Variants in SH3GL3 observed in about 807,000 individuals in gnomAD.
SH3GL3 encodes the protein endophilin-A3.
Under a neutral mutation model 47.7 loss-of-function variants are expected in SH3GL3, and 33 were observed. The ratio of observed to expected loss-of-function variants is 0.69; its 90% confidence interval spans 0.52 to 0.92. SH3GL3 has a LOEUF of 0.92. SH3GL3 is among the 40% of genes least tolerant of loss of function. SH3GL3 has a pLI of 0.00. For synonymous variants in SH3GL3, 155 were observed against 148.8 expected (o/e 1.04, Z -0.30); for missense variants, 363 against 417.8 (o/e 0.87, Z 1.14).
intron 1 of SH3GL3, among the ~76,000 whole-genome samples, chr15:83,525,828 T>C (rs1341309541): frequency 1.3e-5 from 2 of 152,196 alleles, no homozygotes; most frequent in African/African-American, 4.8e-5. Context: ...ATCAGTTGGC[T>C]GTACATATGT....
At chr15:83,566,346 C>CAGAGAGAGAG (rs147698292) in intron 3 of SH3GL3, among the ~76,000 whole-genome samples, 15 of 134,382 alleles carry the variant, frequency 1.1e-4, no homozygotes, top group African/African-American at 2.8e-4. Context: ...GAAAGATGGG[C>CAGAGAGAGAG]AGAGAGAGAG....
At chr15:83,555,224 A>C (rs1398331999) in intron 1 of SH3GL3, among the ~76,000 whole-genome samples, 1 of 152,136 alleles carries the variant, frequency 6.6e-6, no homozygotes, top group East Asian at 1.9e-4. Context: ...GTCTATCTTG[A>C]AAATTTCTTC....
At chr15:83,550,236 A>G (rs1323239440) in intron 1 of SH3GL3, among the ~76,000 whole-genome samples, 1 of 152,172 alleles carries the variant, frequency 6.6e-6, no homozygotes, top group Non-Finnish European at 1.5e-5. Context: ...AAAGGGTGAC[A>G]TTTTTGGCAC....
chr15:83,552,132 T>G (rs937910651), intron 1 of SH3GL3, among the ~76,000 whole-genome samples: 1 of 152,188 alleles, frequency 6.6e-6, no homozygotes, highest in Non-Finnish European at 1.5e-5. Flanking sequence ...TGCTTTCCAG[T>G]GGGCCTGTGA....
chr15:83,477,757 G>A (rs1422115838), intron 1 of SH3GL3, among the ~76,000 whole-genome samples: 1 of 152,178 alleles, frequency 6.6e-6, no homozygotes, highest in Non-Finnish European at 1.5e-5. Context: ...CTCCTTAGGA[G>A]ACTTAGAGGG....
intron 1 of SH3GL3, among the ~76,000 whole-genome samples, chr15:83,498,316 T>G (rs917842963): frequency 6.6e-6 from 1 of 152,210 alleles, no homozygotes; most frequent in East Asian, 1.9e-4. Context: ...CCTCTCTTGA[T>G]TAGCTGGGTG....
chr15:83,587,030 C>G lies in SH3GL3; in HGVS notation c.672C>G (p.Asp224Glu). 6.2e-7 allele frequency: 1 copy of G among 1,611,084 alleles called. No homozygotes were observed. The highest frequency in any genetic ancestry group is 1.3e-5 in the African/African-American group (1 of 74,846). The change falls in exon 7 of 9, where the codon GAC (aspartate) becomes GAG (glutamate). Residue 224 changes from aspartate (D) to glutamate (E), a missense_variant. Physicochemically the swap from Asp to Glu is conservative, Grantham distance 45 (BLOSUM62 2). Transcript: ENST00000427482. ...CTGTGTTCATAGAGGCAGCATTAGA[C>G]TATCACAGACAGTCCACAGAGATTC... ...QLAVFIEAAL[D>E]YHRQSTEILQ... is the part of the protein sequence containing the mutation.
intron 1 of SH3GL3, among the ~76,000 whole-genome samples, chr15:83,511,739 C>A (rs1292629674): frequency 6.6e-6 from 1 of 152,128 alleles, no homozygotes; most frequent in Non-Finnish European, 1.5e-5. Context: ...TTTTCTCTCT[C>A]CCAGTGTACC....
chr15:83,576,657 C>T lies in SH3GL3; in HGVS notation c.540C>T (p.Asp180=), dbSNP rs138675150. The change falls in exon 6 of 9, where the codon GAC becomes GAT. Residue 180 remains aspartate (D), a synonymous_variant. Coordinates refer to ENST00000427482, the MANE Select transcript of SH3GL3 (RefSeq NM_003027.5). ...YKKKRVGKIP[D]EEVRQAVEKF... ...AGAAACGAGTAGGTAAGATACCAGA[C>T]GAAGAAGTCAGACAAGCGGTAGAAA... 66 of 1,613,292 alleles carry T rather than the reference C, an allele frequency of 4.1e-5. 1 individual carries two copies. The African/African-American group carries it at 4.4e-4, about 11-fold the overall frequency.
At chr15:83,615,575 G>A (rs1306364537) in intron 8 of SH3GL3, among the ~76,000 whole-genome samples, 4 of 152,198 alleles carry the variant, frequency 2.6e-5, no homozygotes, top group Admixed American at 2.0e-4. Context: ...GCCTCCCAGA[G>A]TGCTGGGATT....
chr15:83,459,136 G>A (rs1055110896), intron 1 of SH3GL3, among the ~76,000 whole-genome samples: 3 of 152,214 alleles, frequency 2.0e-5, no homozygotes, highest in Non-Finnish European at 4.4e-5. Context: ...CATCCAGCAC[G>A]GGAGAAAGAT....
chr15:83,581,235 C>A (rs932969436), intron 6 of SH3GL3, among the ~76,000 whole-genome samples: 2 of 152,226 alleles, frequency 1.3e-5, no homozygotes, highest in African/African-American at 2.4e-5. Context: ...AGATGTAGTA[C>A]TTCCTAGGGT....
chr15:83,511,311 T>G (rs1596145928), intron 1 of SH3GL3, among the ~76,000 whole-genome samples: 1 of 152,142 alleles, frequency 6.6e-6, no homozygotes, highest in Non-Finnish European at 1.5e-5. Context: ...GCAGAGTGCC[T>G]GGTGTGCAGT....
At chr15:83,505,631 G>T (rs1357721337) in intron 1 of SH3GL3, among the ~76,000 whole-genome samples, 3 of 149,448 alleles carry the variant, frequency 2.0e-5, no homozygotes, top group African/African-American at 7.4e-5. Flanking sequence ...AAGTTCAAGC[G>T]ATTCTCCGCC....
At chr15:83,493,734 C>T (rs775985822) in intron 1 of SH3GL3, among the ~76,000 whole-genome samples, 68 of 141,936 alleles carry the variant, frequency 4.8e-4, no homozygotes, top group Non-Finnish European at 8.2e-4. Context: ...TCATAACCCA[C>T]GTGGTCTCGA....
At chr15:83,475,985 T>A (rs936520784) in intron 1 of SH3GL3, among the ~76,000 whole-genome samples, 16 of 152,152 alleles carry the variant, frequency 1.1e-4, no homozygotes, top group Admixed American at 5.9e-4. Flanking sequence ...ATTACGTGAG[T>A]ATTGATCATA....
chr15:83,624,046 C>T, the SH3GL3 span, among the ~76,000 whole-genome samples: 1 of 152,188 alleles, frequency 6.6e-6, no homozygotes, highest in South Asian at 2.1e-4. Context: ...CTCGGCCTCC[C>T]AAAGTGCTGG....
chr15:83,505,590 C>T (rs779198954), intron 1 of SH3GL3, among the ~76,000 whole-genome samples: 1 of 142,578 alleles, frequency 7.0e-6, no homozygotes, highest in Admixed American at 7.4e-5. Context: ...TGCAGTGATG[C>T]GATCTCGGCT....
At chr15:83,478,676 T>G (rs941760484) in intron 1 of SH3GL3, among the ~76,000 whole-genome samples, 1 of 152,224 alleles carries the variant, frequency 6.6e-6, no homozygotes, top group Non-Finnish European at 1.5e-5. Flanking sequence ...GAGTCGCAGC[T>G]CAGCCATTTT....
Sources: gnomAD v4.1 joint callset for allele counts (sites outside exome capture counted in the v4.1 genomes callset) on GRCh38, gnomAD v4.1.1 for gene constraint, MANE v1.5 for transcripts, NCBI Gene and HGNC (gene_info 2026-07-23, HGNC 2026-07-21) for gene names.